PRH1: variants seen among roughly 807,000 people sequenced by gnomAD.
PRH1 encodes salivary acidic proline-rich phosphoprotein 1/2.
Under a neutral mutation model 7.9 loss-of-function variants are expected in PRH1, and 7 were observed. The ratio of observed to expected loss-of-function variants is 0.89; its 90% CI spans 0.50 to 1.67. The LOEUF is 1.67. Ranked by LOEUF, PRH1 falls within the 40% of genes most tolerant of loss-of-function variation. PRH1 has a pLI of 0.00. For missense variants in PRH1, 109 were observed against 223.6 expected (o/e 0.49, Z 3.27); for synonymous variants, 45 against 80.8 (o/e 0.56, Z 2.38).
intron 1 of PRH1, among the ~76,000 whole-genome samples, chr12:10,984,469 T>C (rs572251686): frequency 6.6e-6 from 1 of 151,822 alleles, no homozygotes; most frequent in Non-Finnish European, 1.5e-5. Context: ...GCCACTCCCA[T>C]ATAGTTAGTT....
intron 2 of PRH1, among the ~76,000 whole-genome samples, chr12:10,971,096 C>G (rs1405210577): frequency 2.1e-5 from 3 of 140,684 alleles, no homozygotes; most frequent in Admixed American, 7.1e-5. Flanking sequence ...TATAACTTTA[C>G]TCCCCGTGTT....
chr12:11,157,605 A>T (rs1947292047), intron 1 of PRH1, among the ~76,000 whole-genome samples: 2 of 152,228 alleles, frequency 1.3e-5, no homozygotes, highest in African/African-American at 4.8e-5. Context: ...GATGAGTTTA[A>T]GATTATTTAT....
intron 1 of PRH1, among the ~76,000 whole-genome samples, chr12:10,999,720 T>A (rs1370979286): frequency 6.6e-6 from 1 of 152,120 alleles, no homozygotes; most frequent in African/African-American, 2.4e-5. Context: ...TCTATGATGA[T>A]CATTTGCTTG....
At chr12:11,035,576 T>A (rs1942402873) in intron 1 of PRH1, among the ~76,000 whole-genome samples, 1 of 152,224 alleles carries the variant, frequency 6.6e-6, no homozygotes. Flanking sequence ...AAAAAGAGTT[T>A]TTTTAAACTT....
At chr12:11,021,576 A>G in intron 1 of PRH1, 1 of 1,019,470 alleles carries the variant, frequency 9.8e-7, no homozygotes, top group Non-Finnish European at 1.5e-6. Context: ...TGATAGAAAT[A>G]TAAAATGTTC....
chr12:11,112,605 C>A (rs879664730), intron 1 of PRH1, among the ~76,000 whole-genome samples: 17 of 152,146 alleles, frequency 1.1e-4, no homozygotes, highest in Admixed American at 7.9e-4. Flanking sequence ...ATTCAACATG[C>A]CTTCATGCTA....
chr12:11,072,950 G>C (rs1944139872), intron 1 of PRH1, among the ~76,000 whole-genome samples: 1 of 151,736 alleles, frequency 6.6e-6, no homozygotes, highest in African/African-American at 2.4e-5. Flanking sequence ...TAATGTTACA[G>C]TAATTGGTGC....
chr12:11,143,326 CAT>C (rs1238111868), intron 1 of PRH1, among the ~76,000 whole-genome samples: 1 of 151,952 alleles, frequency 6.6e-6, no homozygotes, highest in African/African-American at 2.4e-5. Context: ...TTGCAAGCCT[CAT>C]AGTAATCGCA....
intron 1 of PRH1, among the ~76,000 whole-genome samples, chr12:11,139,391 A>G (rs1946644452): frequency 1.3e-5 from 2 of 152,150 alleles, no homozygotes; most frequent in Admixed American, 6.5e-5. Context: ...GATTATCCCA[A>G]TTGTTATGAT....
intron 1 of PRH1, among the ~76,000 whole-genome samples, chr12:11,027,628 T>G (rs1004510652): frequency 3.9e-5 from 6 of 152,210 alleles, no homozygotes; most frequent in African/African-American, 1.4e-4. Context: ...GCTGCTGGTC[T>G]CAAGTGGAAT....
At chr12:10,947,018 T>C (rs930885593) in intron 2 of PRH1, among the ~76,000 whole-genome samples, 1 of 152,224 alleles carries the variant, frequency 6.6e-6, no homozygotes, top group African/African-American at 2.4e-5. Flanking sequence ...TTGGTTATTT[T>C]ACATTTGTTG....
chr12:11,135,417 C>T (rs1226741012), intron 1 of PRH1, among the ~76,000 whole-genome samples: 1 of 152,094 alleles, frequency 6.6e-6, no homozygotes, highest in African/African-American at 2.4e-5. Flanking sequence ...AGGCAGATTG[C>T]CCCCCACCTG....
chr12:11,165,787 T>A (rs79527319), intron 1 of PRH1, among the ~76,000 whole-genome samples: 1 of 152,262 alleles, frequency 6.6e-6, no homozygotes, highest in African/African-American at 2.4e-5. Context: ...AGTGGTGGAA[T>A]GCCAGTAACT....
intron 1 of PRH1, among the ~76,000 whole-genome samples, chr12:11,005,777 T>C (rs1015748500): frequency 6.6e-6 from 1 of 152,240 alleles, no homozygotes; most frequent in South Asian, 2.1e-4. Flanking sequence ...TCAATATTTA[T>C]AAACTTATCT....
At chr12:10,930,774 G>T in intron 2 of PRH1, 1 of 1,610,734 alleles carries the variant, frequency 6.2e-7, no homozygotes, top group Non-Finnish European at 8.5e-7. Context: ...GCCCTCAGCA[G>T]GGACCACCCC....
At chr12:11,164,532 G>C (rs1162028478) in intron 1 of PRH1, among the ~76,000 whole-genome samples, 9 of 152,182 alleles carry the variant, frequency 5.9e-5, no homozygotes, top group Non-Finnish European at 1.0e-4. Context: ...ACAGTAGCCT[G>C]CATAGAGGAT....
chr12:11,129,583 CGAAT>C (rs1946264386), intron 1 of PRH1, among the ~76,000 whole-genome samples: 1 of 15,552 alleles, frequency 6.4e-5, no homozygotes, highest in Non-Finnish European at 5.9e-4. Flanking sequence ...GATGGGTTAT[CGAAT>C]GAATGCAGAC....
At chr12:11,170,272 C>T (rs567061643) in intron 1 of PRH1, among the ~76,000 whole-genome samples, 1 of 152,160 alleles carries the variant, frequency 6.6e-6, no homozygotes, top group Non-Finnish European at 1.5e-5. Context: ...ACAGGCCGGG[C>T]GCTGTGGCTC....
chr12:11,053,375 A>G (rs1387813963), intron 1 of PRH1, among the ~76,000 whole-genome samples: 1 of 152,246 alleles, frequency 6.6e-6, no homozygotes, highest in Non-Finnish European at 1.5e-5. Flanking sequence ...TAAGAGCTTG[A>G]TCATGAAATG....
Sources: allele counts gnomAD v4.1 joint callset (sites outside exome capture counted in the v4.1 genomes callset), GRCh38; gene constraint gnomAD v4.1.1; transcripts MANE v1.5; gene names NCBI Gene and HGNC (gene_info 2026-07-23, HGNC 2026-07-21).